Variants in AFF3 observed in about 807,000 individuals in gnomAD.
AFF3 encodes the protein ALF transcription elongation factor 3.
Under a neutral mutation model 129.7 loss-of-function variants are expected in AFF3, and 32 were observed. The ratio of observed to expected loss-of-function variants is 0.25; its 90% CI spans 0.19 to 0.33. The LOEUF is 0.33. Among genes scored for constraint, AFF3 ranks in the 10% least tolerant of loss-of-function variants. AFF3 has a pLI of 1.00. For synonymous variants in AFF3, 644 were observed against 635.4 expected (o/e 1.01, Z -0.20); for missense variants, 1,373 against 1,592.0 (o/e 0.86, Z 2.34).
intron 17 of AFF3, 125 bp from the exon 18 acceptor site, chr2:99,578,576 T>G: frequency 1.4e-6 from 2 of 1,397,876 alleles, no homozygotes; most frequent in Non-Finnish European, 1.9e-6. Flanking sequence ...TGTATTAGAA[T>G]TGATGGTGAT....
intron 18 of AFF3, among the ~76,000 whole-genome samples, chr2:99,571,745 G>A (rs1008401065): frequency 7.2e-5 from 11 of 152,094 alleles, no homozygotes; most frequent in Non-Finnish European, 1.3e-4. Context: ...TTCTCCTTTC[G>A]AGTGATTTCT....
In AFF3 at chr2:100,055,440, C is replaced by T. The variant is rs148079053; in HGVS notation, c.54-46508G>A. ...CCAGTGGTCTCCAGCTCTGACTTCA[C>T]ATTACAATCACCTAGAAATCTTAAA... On this transcript the variant is annotated intron_variant, in intron 4 of 24. Transcript: ENST00000672756. 2.2e-3 allele frequency among the ~76,000 whole-genome samples: 309 copies of T among 141,740 alleles called. 2 individuals are homozygous for T. Among genetic ancestry groups the T allele is most frequent in the African/African-American group, 8.0e-3 (298 of 37,080 alleles). The allele number at this position is 141,740 out of a possible 152,430, so 93.0% of individuals were successfully genotyped here. A position where few individuals can be genotyped will look rare whatever the true frequency, so the allele number is the denominator to read the frequency against.
intron 11 of AFF3, among the ~76,000 whole-genome samples, chr2:99,704,641 T>C (rs1278552170): frequency 6.6e-6 from 1 of 152,214 alleles, no homozygotes; most frequent in Non-Finnish European, 1.5e-5. Context: ...GTCAGAACAG[T>C]GTTCTAGAAG....
chr2:99,931,957 GTAAGGTTTGTTATGTGCCC>G (rs1452434423), intron 7 of AFF3, among the ~76,000 whole-genome samples: 1 of 152,186 alleles, frequency 6.6e-6, no homozygotes, highest in Non-Finnish European at 1.5e-5. Flanking sequence ...AATCTGCATT[GTAAGGTTTGTTATGTGCCC>G]TAGTCTGCCC....
At chr2:99,569,809 T>A (rs934389932) in intron 18 of AFF3, among the ~76,000 whole-genome samples, 2 of 152,206 alleles carry the variant, frequency 1.3e-5, no homozygotes, top group African/African-American at 2.4e-5. Context: ...AAGCCAGGAC[T>A]CTCTGAACGG....
In AFF3 at chr2:99,672,223, CACACACACAT is replaced by C. The variant is rs879711073; in HGVS notation, c.1143+305_1143+314del. ...ACACACACACACACACACACACACA[CACACACACAT>C]GAATAAATAAAAAAGAAAAAAAAAA... On this transcript the variant is annotated intron_variant, in intron 12 of 24. Transcript: ENST00000672756. Among the ~76,000 whole-genome samples, 59 of 29,028 alleles carry C rather than the reference CACACACACAT, an allele frequency of 2.0e-3. 1 individual carries two copies. Among genetic ancestry groups the C allele is most frequent in the South Asian group, 0.01 (9 of 894 alleles). The allele number at this position is 29,028 out of a possible 152,430, so 19.0% of individuals were successfully genotyped here.
chr2:100,063,355 C>G (rs184107563), intron 4 of AFF3, among the ~76,000 whole-genome samples: 1 of 150,644 alleles, frequency 6.6e-6, no homozygotes, highest in Non-Finnish European at 1.5e-5. Flanking sequence ...TTAATATTAA[C>G]TGAACTGCGT....
At chr2:99,956,973 T>C (rs1355501471) in intron 7 of AFF3, among the ~76,000 whole-genome samples, 1 of 152,246 alleles carries the variant, frequency 6.6e-6, no homozygotes, top group Non-Finnish European at 1.5e-5. Flanking sequence ...TTAAAATTTA[T>C]GGAAGATTCG....
chr2:100,106,369 T>G, intron 2 of AFF3: 1 of 1,123,796 alleles, frequency 8.9e-7, no homozygotes, highest in South Asian at 2.2e-5. Flanking sequence ...AGAATATGAA[T>G]ATAGGAAAAA....
intron 7 of AFF3, among the ~76,000 whole-genome samples, chr2:99,944,240 C>T (rs1456728146): frequency 6.6e-6 from 1 of 152,182 alleles, no homozygotes; most frequent in African/African-American, 2.4e-5. Context: ...TGGATCTGAC[C>T]AAGTACGGCC....
At chr2:100,009,414 C>A (rs1682298714) in intron 4 of AFF3, among the ~76,000 whole-genome samples, 2 of 151,740 alleles carry the variant, frequency 1.3e-5, no homozygotes, top group African/African-American at 4.8e-5. Flanking sequence ...AAACTGCATG[C>A]TGCAGTGGTT....
intron 7 of AFF3, among the ~76,000 whole-genome samples, chr2:99,947,163 G>A (rs1041986206): frequency 5.3e-5 from 8 of 152,242 alleles, no homozygotes; most frequent in East Asian, 1.9e-4. Context: ...ACATCCAGCC[G>A]GGTGCAGTGG....
chr2:100,013,852 GAAT>G (rs1682761081), intron 4 of AFF3, among the ~76,000 whole-genome samples: 1 of 152,064 alleles, frequency 6.6e-6, no homozygotes, highest in African/African-American at 2.4e-5. Context: ...ATAGAGAAGT[GAAT>G]AAAAAAATAA....
At chr2:99,912,951 G>T (rs1695207567) in intron 7 of AFF3, among the ~76,000 whole-genome samples, 3 of 152,232 alleles carry the variant, frequency 2.0e-5, no homozygotes, top group South Asian at 4.2e-4. Flanking sequence ...AAATAGACAA[G>T]AGAAAGGAAA....
At chr2:99,986,143 G>A (rs987962420) in intron 7 of AFF3, among the ~76,000 whole-genome samples, 14 of 150,876 alleles carry the variant, frequency 9.3e-5, no homozygotes, top group South Asian at 2.1e-4. Context: ...GGAGCTTGCC[G>A]TGAGCTGGGG....
At chr2:100,133,915 A>G (rs1227104879) in intron 1 of AFF3, among the ~76,000 whole-genome samples, 2 of 152,190 alleles carry the variant, frequency 1.3e-5, no homozygotes, top group African/African-American at 4.8e-5. Flanking sequence ...CCTGGGTGAC[A>G]GAGCGAGACT....
At chr2:99,719,682 T>C (rs1017620875) in intron 11 of AFF3, among the ~76,000 whole-genome samples, 67 of 152,350 alleles carry the variant, frequency 4.4e-4, no homozygotes, top group African/African-American at 1.5e-3. Context: ...TGGTCACGAA[T>C]CAGCTTTCTT....
chr2:99,946,070 G>A (rs1675530021), intron 7 of AFF3, among the ~76,000 whole-genome samples: 1 of 152,170 alleles, frequency 6.6e-6, no homozygotes, highest in Non-Finnish European at 1.5e-5. Context: ...TGAAATTCAA[G>A]AAACATGTAT....
intron 7 of AFF3, among the ~76,000 whole-genome samples, chr2:99,914,274 A>T (rs1695302296): frequency 6.6e-6 from 1 of 152,168 alleles, no homozygotes; most frequent in African/African-American, 2.4e-5. Flanking sequence ...CTTGAATCTA[A>T]TCATGATAAA....
Sources: gnomAD v4.1 joint callset for allele counts (sites outside exome capture counted in the v4.1 genomes callset) on GRCh38, gnomAD v4.1.1 for gene constraint, MANE v1.5 for transcripts, NCBI Gene and HGNC (gene_info 2026-07-23, HGNC 2026-07-21) for gene names.